GALNT14: variants seen among roughly 807,000 people sequenced by gnomAD.
GALNT14 encodes UDP-GalNAc:polypeptide N-acetylgalactosaminyltransferase 14.
In GALNT14, 60 loss-of-function variants were observed where a neutral mutation model predicts 77.5. The ratio of observed to expected loss-of-function variants is 0.77; its 90% CI spans 0.63 to 0.96. The LOEUF is 0.96. GALNT14 is among the 40% of genes least tolerant of loss of function. GALNT14 has a pLI of 0.00. For missense variants in GALNT14, 710 were observed against 731.0 expected, an observed-to-expected ratio of 0.97 and a Z score of 0.33; for synonymous variants, 280 against 281.7, an observed-to-expected ratio of 0.99 and a Z score of 0.06.
Position 31,038,084 on chromosome 2 carries a change from A to AT in GALNT14, c.130-45078dup, listed in dbSNP as rs1196402402. ...ATTTGCCATATATATATATATATAT[A>AT]TTTTTTTTTTTTTTTTTTTTTTTTT... On this transcript the variant is annotated intron_variant, in intron 1 of 14. Transcript: ENST00000349752. 6.8e-3 allele frequency among the ~76,000 whole-genome samples: 359 copies of AT among 52,654 alleles called. 59 individuals are homozygous for AT. Among genetic ancestry groups the AT allele is most frequent in the Non-Finnish European group, 9.5e-3 (295 of 30,940 alleles). 34.5% of individuals were successfully genotyped at this position (52,654 alleles called of 152,430 possible). A position where few individuals can be genotyped will look rare whatever the true frequency, so the allele number is the denominator to read the frequency against.
intron 1 of GALNT14, among the ~76,000 whole-genome samples, chr2:31,010,088 C>T (rs984100514): frequency 8.5e-5 from 13 of 152,196 alleles, no homozygotes; most frequent in Admixed American, 1.3e-4. Context: ...TGAGTTCAAG[C>T]GGTTCTCATG....
At chr2:31,009,859 C>T (rs1455861187) in intron 1 of GALNT14, among the ~76,000 whole-genome samples, 1 of 152,206 alleles carries the variant, frequency 6.6e-6, no homozygotes, top group Non-Finnish European at 1.5e-5. Flanking sequence ...GTTGGTTCTG[C>T]CTGCAAAGCA....
chr2:31,111,462 G>C (rs1169960167), intron 1 of GALNT14, among the ~76,000 whole-genome samples: 1 of 152,226 alleles, frequency 6.6e-6, no homozygotes, highest in East Asian at 1.9e-4. Flanking sequence ...CAGAGGCAGG[G>C]AGGACTAACT....
At chr2:31,095,632 A>T (rs1676962629) in intron 1 of GALNT14, among the ~76,000 whole-genome samples, 2 of 152,054 alleles carry the variant, frequency 1.3e-5, no homozygotes, top group South Asian at 2.1e-4. Flanking sequence ...GAGAGAAGAA[A>T]ATTTATTTCC....
chr2:30,987,939 T>C (rs1304156717), intron 2 of GALNT14, among the ~76,000 whole-genome samples: 1 of 152,186 alleles, frequency 6.6e-6, no homozygotes, highest in Non-Finnish European at 1.5e-5. Flanking sequence ...CTCAGACCCC[T>C]CCCACATGCG....
intron 9 of GALNT14, among the ~76,000 whole-genome samples, chr2:30,940,477 T>C (rs1012838562): frequency 4.6e-5 from 7 of 152,152 alleles, no homozygotes; most frequent in African/African-American, 9.7e-5. Flanking sequence ...TCTCTAATAG[T>C]TCAACAAAAA....
chr2:30,990,656 A>G (rs1669639501), intron 2 of GALNT14, among the ~76,000 whole-genome samples: 1 of 152,216 alleles, frequency 6.6e-6, no homozygotes, highest in Admixed American at 6.5e-5. Flanking sequence ...GGCTTTGCAC[A>G]TAGTAGGTGA....
chr2:31,053,227 C>T (rs1252119873), intron 1 of GALNT14, among the ~76,000 whole-genome samples: 1 of 152,162 alleles, frequency 6.6e-6, no homozygotes, highest in Non-Finnish European at 1.5e-5. Context: ...AGGTTCTTTG[C>T]CTGTCCTCAT....
intron 1 of GALNT14, chr2:31,126,956 T>C (rs1678734801): frequency 6.6e-6 from 1 of 152,238 alleles, no homozygotes. Flanking sequence ...CCAGTGGCTA[T>C]ATAAAGAATG....
chr2:31,039,007 G>C (rs186437277), intron 1 of GALNT14, among the ~76,000 whole-genome samples: 1 of 152,220 alleles, frequency 6.6e-6, no homozygotes, highest in Non-Finnish European at 1.5e-5. Flanking sequence ...CAGCCTTCCA[G>C]TGCTGGGATT....
intron 10 of GALNT14, among the ~76,000 whole-genome samples, chr2:30,930,657 C>T (rs754215251): frequency 3.9e-5 from 6 of 152,232 alleles, no homozygotes; most frequent in Admixed American, 6.5e-5. Context: ...AAAGGGGGTG[C>T]TCTTTCAGAT....
chr2:31,018,602 G>A (rs913072475), intron 1 of GALNT14, among the ~76,000 whole-genome samples: 2 of 152,118 alleles, frequency 1.3e-5, no homozygotes, highest in African/African-American at 4.8e-5. Context: ...AGATTTGGGT[G>A]GGGACACAAA....
chr2:31,132,246 G>A (rs983192990), intron 1 of GALNT14, among the ~76,000 whole-genome samples: 11 of 152,104 alleles, frequency 7.2e-5, no homozygotes, highest in African/African-American at 1.4e-4. Context: ...AATGACCCAC[G>A]GTGAATTTCT....
intron 1 of GALNT14, chr2:31,129,331 TA>T (rs1327033420): frequency 2.1e-6 from 2 of 973,968 alleles, no homozygotes. Context: ...AAATGCTTTG[TA>T]AACTGTAAAA....
intron 1 of GALNT14, among the ~76,000 whole-genome samples, chr2:31,106,135 C>G (rs1318463957): frequency 6.6e-6 from 1 of 152,104 alleles, no homozygotes; most frequent in Non-Finnish European, 1.5e-5. Flanking sequence ...TCTAAAACTT[C>G]CCAAGGCTAT....
Position 30,932,114 on chromosome 2 carries a change from T to G in GALNT14, c.1012A>C (p.Lys338Gln). 6.3e-7 allele frequency: 1 copy of G among 1,577,662 alleles called. No individual in the cohort carries two copies. Among genetic ancestry groups the G allele is most frequent in the African/African-American group, 1.4e-5 (1 of 73,158 alleles). Reference sequence around the variant, plus strand: ...CCATCAGGGAAAACGTAGGGGTGCTTCTTCCGGAAGACGTGCCCCACTCGG... The same window carrying G: ...CCATCAGGGAAAACGTAGGGGTGCTGCTTCCGGAAGACGTGCCCCACTCGG... The part of the protein sequence containing the change: ...CSRVGHVFRK[K>Q]HPYVFPDGNA... The change falls in exon 10 of 15, where the codon AAG becomes CAG. Residue 338 changes from lysine (K) to glutamine (Q), a missense_variant. Transcript: ENST00000349752.
In GALNT14 at chr2:31,078,834, G is replaced by A. The variant is rs1411096535; in HGVS notation, c.129+59124C>T. 3 of 1,035,290 alleles carry A rather than the reference G, an allele frequency of 2.9e-6. No homozygotes were observed. The Admixed American group carries it at 7.2e-5, about 25-fold the overall frequency. 64.1% of individuals were successfully genotyped at this position (1,035,290 alleles called of 1,614,324 possible). A position where few individuals can be genotyped will look rare whatever the true frequency, so the allele number is the denominator to read the frequency against. ...AGATGAAGGCAAGGGGCGAGATATA[G>A]GCCTGGGAGAACCCAGGCACAGGAG... On this transcript the variant is annotated intron_variant, in intron 1 of 14. Coordinates refer to ENST00000349752, the MANE Select transcript of GALNT14 (RefSeq NM_024572.4).
chr2:31,002,060 G>GTAT (rs1357078161), intron 1 of GALNT14, among the ~76,000 whole-genome samples: 1 of 152,108 alleles, frequency 6.6e-6, no homozygotes, highest in Non-Finnish European at 1.5e-5. Context: ...TAGCCAGGCT[G>GTAT]GTTATACTGT....
intron 9 of GALNT14, among the ~76,000 whole-genome samples, chr2:30,940,299 T>C (rs951381999): frequency 9.2e-5 from 14 of 152,222 alleles, no homozygotes; most frequent in Admixed American, 7.9e-4. Flanking sequence ...AGGAAAGGTA[T>C]TGCTACCAAT....
Sources: gnomAD v4.1 joint callset for allele counts (sites outside exome capture counted in the v4.1 genomes callset) on GRCh38, gnomAD v4.1.1 for gene constraint, MANE v1.5 for transcripts, NCBI Gene and HGNC (gene_info 2026-07-23, HGNC 2026-07-21) for gene names.